Variants in TRHDE observed in about 807,000 individuals in gnomAD.
The protein encoded by TRHDE is thyrotropin releasing hormone degrading enzyme.
Under a neutral mutation model 125.7 loss-of-function variants are expected in TRHDE, and 72 were observed. The ratio of observed to expected loss-of-function variants is 0.57; its 90% CI spans 0.47 to 0.70. The LOEUF is 0.70. Ranked by LOEUF, TRHDE falls within the 30% of genes least tolerant of loss-of-function variation. The pLI, the probability that TRHDE is intolerant of heterozygous loss-of-function variation, is 0.00. For synonymous variants in TRHDE, 509 were observed against 509.1 expected (o/e 1.00, Z 0.00); for missense variants, 1,110 against 1,327.1 (o/e 0.84, Z 2.54).
At chr12:72,296,293 G>T (rs1880297053) in intron 2 of TRHDE, among the ~76,000 whole-genome samples, 1 of 152,172 alleles carries the variant, frequency 6.6e-6, no homozygotes, top group Admixed American at 6.5e-5. Context: ...AATAAAAATA[G>T]AAAATGTTAC....
intron 2 of TRHDE, among the ~76,000 whole-genome samples, chr12:72,111,032 G>T (rs577322897): frequency 6.6e-6 from 1 of 152,218 alleles, no homozygotes; most frequent in East Asian, 1.9e-4. Context: ...GAGGGTAATT[G>T]ACCAAGTCAA....
chr12:72,182,635 C>T (rs1341770037), intron 2 of TRHDE, among the ~76,000 whole-genome samples: 1 of 152,096 alleles, frequency 6.6e-6, no homozygotes, highest in African/African-American at 2.4e-5. Context: ...TTCTGTACAG[C>T]GATCATACCA....
At chr12:72,302,780 A>G (rs1257584177) in intron 2 of TRHDE, among the ~76,000 whole-genome samples, 1 of 152,132 alleles carries the variant, frequency 6.6e-6, no homozygotes, top group African/African-American at 2.4e-5. Context: ...CCTTCTAACC[A>G]CAGATCTGCT....
At chr12:72,187,894 A>G (rs1009960098) in intron 2 of TRHDE, among the ~76,000 whole-genome samples, 8 of 152,220 alleles carry the variant, frequency 5.3e-5, no homozygotes, top group African/African-American at 1.9e-4. Flanking sequence ...AAGATTATAT[A>G]TTAACAGGTT....
At chr12:72,297,599 C>T (rs998537049) in intron 2 of TRHDE, among the ~76,000 whole-genome samples, 2 of 152,128 alleles carry the variant, frequency 1.3e-5, no homozygotes, top group African/African-American at 4.8e-5. Flanking sequence ...AAGAGTGTCA[C>T]CTGCAGGGCC....
At chr12:72,609,888 A>T (rs201558712) in intron 12 of TRHDE, among the ~76,000 whole-genome samples, 1 of 151,786 alleles carries the variant, frequency 6.6e-6, no homozygotes, top group South Asian at 2.1e-4. Context: ...TCCTGTTGGA[A>T]TTTTTTATTC....
chr12:72,344,069 G>A (rs1870204347), intron 2 of TRHDE, among the ~76,000 whole-genome samples: 2 of 151,902 alleles, frequency 1.3e-5, no homozygotes, highest in African/African-American at 4.8e-5. Flanking sequence ...GATTAAAGAT[G>A]AGCTACATCT....
intron 2 of TRHDE, among the ~76,000 whole-genome samples, chr12:72,353,041 A>G (rs1352655438): frequency 6.6e-6 from 1 of 151,306 alleles, no homozygotes; most frequent in Non-Finnish European, 1.5e-5. Flanking sequence ...CAATTGTTTA[A>G]TTTTTCCAGT....
chr12:72,446,668 A>G (rs559836944), intron 3 of TRHDE, among the ~76,000 whole-genome samples: 2 of 152,248 alleles, frequency 1.3e-5, no homozygotes, highest in Admixed American at 6.5e-5. Flanking sequence ...AGGAAGATCT[A>G]CCAAGCAAAT....
At chr12:72,113,659 G>A (rs937420054) in intron 2 of TRHDE, among the ~76,000 whole-genome samples, 8 of 151,516 alleles carry the variant, frequency 5.3e-5, no homozygotes, top group African/African-American at 1.9e-4. Flanking sequence ...AGCTTTCTAG[G>A]GACCCACCAA....
intron 3 of TRHDE, among the ~76,000 whole-genome samples, chr12:72,424,402 A>G (rs767996238): frequency 1.7e-4 from 26 of 152,104 alleles, no homozygotes; most frequent in Non-Finnish European, 3.1e-4. Flanking sequence ...CAAAGACCCT[A>G]TTTCTAAATA....
chr12:72,200,279 G>T (rs1877529217), intron 2 of TRHDE, among the ~76,000 whole-genome samples: 1 of 152,196 alleles, frequency 6.6e-6, no homozygotes, highest in Non-Finnish European at 1.5e-5. Context: ...ATTTGTGGAT[G>T]TATTGAGGAG....
At chr12:72,482,817 C>G (rs557465987) in intron 5 of TRHDE, among the ~76,000 whole-genome samples, 203 of 151,874 alleles carry the variant, frequency 1.3e-3, no homozygotes, top group Non-Finnish European at 2.5e-3. Flanking sequence ...CAATTTGAAG[C>G]ACTTGAATCA....
intron 5 of TRHDE, among the ~76,000 whole-genome samples, chr12:72,495,603 CTGTACTTTTT>C (rs1877882099): frequency 6.6e-6 from 1 of 152,054 alleles, no homozygotes. Flanking sequence ...TGCTGTTTAT[CTGTACTTTTT>C]TGTACTTTTT....
rs778039169 is a variant in TRHDE, at chr12:72,273,504, G to A, written c.861G>A (p.Glu287=). The change falls in exon 1 of 19, where the codon GAG becomes GAA. Residue 287 remains glutamate (E), a synonymous_variant. Coordinates refer to ENST00000261180, the MANE Select transcript of TRHDE (RefSeq NM_013381.3). This position sits in a 1 kb window ranked among gnomAD's most constrained non-coding sequence, Gnocchi z 5.3. The part of the protein sequence containing the change: ...NLKIIYNALI[E]NELLGFFRSS... ...AGATTATCTACAACGCGCTCATCGAGAATGAGCTCCTGGGCTTCTTCCGCA... is the reference window on the plus strand; with the variant it reads ...AGATTATCTACAACGCGCTCATCGAAAATGAGCTCCTGGGCTTCTTCCGCA... 6 of 1,610,338 alleles carry A rather than the reference G, an allele frequency of 3.7e-6. No homozygotes were observed. In the Admixed American group the frequency reaches 1.0e-4, roughly 27 times the overall value.
Position 72,138,251 on chromosome 12 carries a change from T to A in TRHDE, n.279+32499T>A, listed in dbSNP as rs111576190. On this transcript the variant is annotated intron_variant and non_coding_transcript_variant, in intron 2 of 4. Coordinates refer to the TRHDE transcript ENST00000548156. ...TTAGCCACACGTGGTGGTACGCACC[T>A]GTAGTGCCAGCTACTCCGGAGGCTG... 7.5e-3 allele frequency among the ~76,000 whole-genome samples: 1,140 copies of A among 152,230 alleles called. 9 individuals carry two copies. Among genetic ancestry groups the A allele is most frequent in the Non-Finnish European group, 0.013 (888 of 68,020 alleles).
intron 15 of TRHDE, among the ~76,000 whole-genome samples, chr12:72,626,567 G>A (rs1046601501): frequency 2.0e-5 from 3 of 151,880 alleles, no homozygotes; most frequent in Admixed American, 6.6e-5. Flanking sequence ...GGAGCAGGAG[G>A]ACATTTGCCC....
intron 15 of TRHDE, among the ~76,000 whole-genome samples, chr12:72,639,320 T>C (rs1289182135): frequency 1.3e-5 from 2 of 151,192 alleles, no homozygotes; most frequent in African/African-American, 2.4e-5. Flanking sequence ...TTCTGCATTC[T>C]TCACGTAGTT....
In TRHDE at chr12:72,670,341, T is replaced by G. The variant is rs1376159182; in HGVS notation, c.*7146T>G. ...GAATTAGTACGTATTCAACATGAAA[T>G]TTTTAGTCTTTTCTGACCAAGCACT... On this transcript the variant is annotated 3_prime_UTR_variant, in exon 19 of 19. Transcript: ENST00000261180. 1 of 151,730 alleles carries G rather than the reference T, an allele frequency of 6.6e-6. No homozygotes were observed. The highest frequency in any genetic ancestry group is 1.5e-5 in the Non-Finnish European group (1 of 67,762). The allele number at this position is 151,730 out of a possible 1,614,324, so 9.4% of individuals were successfully genotyped here.
Sources: allele counts gnomAD v4.1 joint callset (sites outside exome capture counted in the v4.1 genomes callset), GRCh38; gene constraint gnomAD v4.1.1; non-coding constraint Gnocchi (gnomAD v3.1); transcripts MANE v1.5; gene names NCBI Gene and HGNC (gene_info 2026-07-23, HGNC 2026-07-21).